The following KLHDC8A variants were observed in gnomAD, a reference collection of about 807,000 sequenced individuals.
KLHDC8A encodes kelch domain containing 8A, also known as kelch domain-containing protein 8A.
Under a neutral mutation model 33.1 loss-of-function variants are expected in KLHDC8A, and 21 were observed. That is an observed-to-expected ratio of 0.64 (90% confidence interval 0.45 to 0.91). The LOEUF is 0.91. Ranked by LOEUF, KLHDC8A falls within the 40% of genes least tolerant of loss-of-function variation. The probability of loss-of-function intolerance (pLI) is 0.00; values close to 1 mark genes in which losing one functional copy is unlikely to be tolerated. For missense variants in KLHDC8A, 435 were observed against 483.3 expected, an observed-to-expected ratio of 0.90 and a Z score of 0.94; for synonymous variants, 173 against 193.5, an observed-to-expected ratio of 0.89 and a Z score of 0.88.
chr1:205,348,478 C>T (rs1216162518), intron 1 of KLHDC8A: 3 of 152,256 alleles, frequency 2.0e-5, no homozygotes, highest in Non-Finnish European at 4.4e-5. Flanking sequence ...TGCAGCACCC[C>T]ACAGACCATG....
chr1:205,339,568 C>T lies in KLHDC8A; in HGVS notation c.541+76G>A. 3 of 1,542,786 alleles carry T rather than the reference C, an allele frequency of 1.9e-6. 1 individual carries two copies. Among genetic ancestry groups the T allele is most frequent in the Non-Finnish European group, 2.7e-6 (3 of 1,124,512 alleles). The stretch of plus-strand genomic sequence containing the variant: ...CCCAGTGCCGAGGAGATGCTCAGCA[C>T]ACAGGCACTGCTTCCTATGGGAACT... On this transcript the variant is annotated intron_variant, in intron 3 of 5. Transcript: ENST00000367155. The surrounding 1 kb of genome is among the most constrained non-coding windows in gnomAD (Gnocchi z 5.1).
Position 205,339,375 on chromosome 1 carries a change from G to A in KLHDC8A, c.576C>T (p.Phe192=), listed in dbSNP as rs746238970. 1.2e-5 allele frequency: 20 copies of A among 1,614,110 alleles called. No homozygotes were observed. The East Asian group carries it at 2.2e-4, about 18-fold the overall frequency. Residue 192 remains phenylalanine (F), a synonymous_variant, in exon 4 of 6, where the codon TTC becomes TTT. Transcript: ENST00000367155. The surrounding 1 kb of genome is among the most constrained non-coding windows in gnomAD (Gnocchi z 5.1). ...AGCGAGTCTCGATGTCAAAGACCTC[G>A]AAAGCGTTGACCGCGTACTTGGACT... is the stretch of plus-strand genomic sequence containing the variant. ...GRQSKYAVNA[F]EVFDIETRSW...
At chr1:205,346,653 A>G (rs1662955217) in intron 1 of KLHDC8A, among the ~76,000 whole-genome samples, 1 of 152,230 alleles carries the variant, frequency 6.6e-6, no homozygotes, top group Non-Finnish European at 1.5e-5. Context: ...CTGAGCCTTA[A>G]TGAGATGAAG....
At position 205,337,356 on chromosome 1, in the gene KLHDC8A, G is replaced by T; in HGVS notation, c.*43C>A. On this transcript the variant is annotated 3_prime_UTR_variant, in exon 6 of 6. Coordinates refer to ENST00000367155, the MANE Select transcript of KLHDC8A (RefSeq NM_018203.3). ...CAAGATCATTCCTCATGTTAAGAGT[G>T]AAGTGATATGGTCCAGGGCAAAGGT... is the stretch of plus-strand genomic sequence containing the variant. The T allele has an allele frequency of 6.8e-7, 1 of 1,462,834 alleles. No homozygotes were observed. Among genetic ancestry groups the T allele is most frequent in the Non-Finnish European group, 9.6e-7 (1 of 1,044,616 alleles). The allele number at this position is 1,462,834 out of a possible 1,614,324, so 90.6% of individuals were successfully genotyped here.
rs536262408 is a variant in KLHDC8A, at chr1:205,339,196, T to C, written c.755A>G (p.Gln252Arg). Reference sequence around the variant, plus strand: ...CCTGGGGAAGGTGACCAGCTCACCCTGTTCCATGTCGAACACGTCCATCGT... The same window carrying C: ...CCTGGGGAAGGTGACCAGCTCACCCCGTTCCATGTCGAACACGTCCATCGT... The part of the protein sequence containing the change: ...LRTMDVFDME[Q>R]GGWLKMERSF... Residue 252 changes from glutamine to arginine, a missense_variant and splice_region_variant, in exon 4 of 6, where the codon CAG becomes CGG. Gln to Arg is a conservative substitution (Grantham distance 43). Coordinates refer to ENST00000367155, the MANE Select transcript of KLHDC8A (RefSeq NM_018203.3). The surrounding 1 kb of genome is among the most constrained non-coding windows in gnomAD (Gnocchi z 5.1). The C allele has an allele frequency of 3.0e-5, 48 of 1,613,582 alleles. No homozygotes were observed. The African/African-American group carries it at 4.5e-4, about 15-fold the overall frequency.
At chr1:205,352,842 T>G (rs1663154926) in intron 1 of KLHDC8A, among the ~76,000 whole-genome samples, 1 of 152,218 alleles carries the variant, frequency 6.6e-6, no homozygotes, top group Non-Finnish European at 1.5e-5. Flanking sequence ...TCCTGTAGCC[T>G]GTCGCCAGGA....
chr1:205,355,293 T>A (rs988630027), intron 1 of KLHDC8A, among the ~76,000 whole-genome samples: 14 of 152,210 alleles, frequency 9.2e-5, no homozygotes, highest in Admixed American at 9.2e-4. Flanking sequence ...ATTTCCTGCC[T>A]CCATACTTGG....
At chr1:205,355,217 T>C (rs1663233936) in intron 1 of KLHDC8A, among the ~76,000 whole-genome samples, 1 of 152,228 alleles carries the variant, frequency 6.6e-6, no homozygotes, top group Non-Finnish European at 1.5e-5. Flanking sequence ...GTCCAGCCTC[T>C]CAGCCAGGCT....
intron 1 of KLHDC8A, among the ~76,000 whole-genome samples, chr1:205,352,641 G>A (rs1378647850): frequency 1.3e-5 from 2 of 152,234 alleles, no homozygotes; most frequent in Non-Finnish European, 2.9e-5. Flanking sequence ...GTGTGTCTAA[G>A]AAGCCATGAG....
chr1:205,352,174 G>T (rs1041031875), intron 1 of KLHDC8A, among the ~76,000 whole-genome samples: 1 of 152,148 alleles, frequency 6.6e-6, no homozygotes, highest in Admixed American at 6.5e-5. Flanking sequence ...CTCCCAGCAG[G>T]CCTTGAGGCA....
chr1:205,338,005 T>C (rs925105200), intron 5 of KLHDC8A, among the ~76,000 whole-genome samples: 5 of 152,212 alleles, frequency 3.3e-5, no homozygotes, highest in African/African-American at 1.2e-4. Flanking sequence ...TCCTTGATGA[T>C]GGGGAACTTC....
chr1:205,355,780 G>A lies in KLHDC8A; in HGVS notation c.-190+753C>T, dbSNP rs1286442483. Among the ~76,000 whole-genome samples, 4 of 152,212 alleles carry A rather than the reference G, an allele frequency of 2.6e-5. No individual in the cohort carries two copies. The East Asian group carries it at 5.8e-4, about 22-fold the overall frequency. The stretch of plus-strand genomic sequence containing the variant: ...TGTGACATCTAGCTTGCCTGGCCCC[G>A]GAATCCCCATACCTGTCTATGTAGA... On this transcript the variant is annotated intron_variant, in intron 1 of 5. Transcript: ENST00000367155.
intron 1 of KLHDC8A, among the ~76,000 whole-genome samples, chr1:205,350,152 G>T (rs571604158): frequency 2.0e-5 from 3 of 152,160 alleles, no homozygotes; most frequent in Admixed American, 1.3e-4. Flanking sequence ...GCTACCCCAG[G>T]TCCAGTCACC....
At chr1:205,337,671 C>A (rs769430441) in intron 5 of KLHDC8A, 79 bp from the exon 6 acceptor site, 8 of 989,608 alleles carry the variant, frequency 8.1e-6, no homozygotes, top group Non-Finnish European at 1.2e-5. Context: ...CACCTCCCTC[C>A]CTTCGGCACC....
At position 205,339,862 on chromosome 1, in the gene KLHDC8A, A is replaced by G; in HGVS notation, c.377-54T>C. ...GCTTAGCTCACAGGTACAGCAAGAC[A>G]GGCCCACCAGCATCTATTGCCTCCC... On this transcript the variant is annotated intron_variant, in intron 2 of 5. Coordinates refer to ENST00000367155, the MANE Select transcript of KLHDC8A (RefSeq NM_018203.3). The surrounding 1 kb of genome is among the most constrained non-coding windows in gnomAD (Gnocchi z 5.1). 1 of 1,555,466 alleles carries G rather than the reference A, an allele frequency of 6.4e-7. No homozygotes were observed. Among genetic ancestry groups the G allele is most frequent in the Non-Finnish European group, 8.8e-7 (1 of 1,141,658 alleles).
Position 205,339,092 on chromosome 1 carries a change from G to C in KLHDC8A, c.757+102C>G. On this transcript the variant is annotated intron_variant, in intron 4 of 5. Transcript: ENST00000367155. The surrounding 1 kb of genome is among the most constrained non-coding windows in gnomAD (Gnocchi z 5.1). ...ACTTCTGAGAAGCTTGCCCAGCTGG[G>C]TAAACGGCCCTGGAAGATGGCTGGA... The C allele has an allele frequency of 1.0e-6, 1 of 955,030 alleles. No homozygotes were observed. The highest frequency in any genetic ancestry group is 1.6e-6 in the Non-Finnish European group (1 of 628,540). The allele number at this position is 955,030 out of a possible 1,614,324, so 59.2% of individuals were successfully genotyped here.
chr1:205,345,202 C>T (rs1662912577), intron 1 of KLHDC8A, among the ~76,000 whole-genome samples: 2 of 152,106 alleles, frequency 1.3e-5, no homozygotes, highest in Non-Finnish European at 2.9e-5. Flanking sequence ...GCTGGAAGAC[C>T]TGGGTTTGAA....
At chr1:205,338,655 CCA>C in intron 4 of KLHDC8A, 59 bp from the exon 5 acceptor site, 2 of 1,399,810 alleles carry the variant, frequency 1.4e-6, no homozygotes, top group Non-Finnish European at 2.0e-6. Flanking sequence ...ACCACTCCCA[CCA>C]AATGCAGATT....
rs1225066359 is a variant in KLHDC8A at position 205,339,360 on chromosome 1, G to A, written c.591C>T (p.Ile197=). Residue 197 remains isoleucine, a synonymous_variant, in exon 4 of 6, where the codon ATC becomes ATT. Coordinates refer to ENST00000367155, the MANE Select transcript of KLHDC8A (RefSeq NM_018203.3). The surrounding 1 kb of genome is among the most constrained non-coding windows in gnomAD (Gnocchi z 5.1). ...YAVNAFEVFD[I]ETRSWTKFPN... The stretch of plus-strand genomic sequence containing the variant: ...GAAACTTGGTCCAGGAGCGAGTCTC[G>A]ATGTCAAAGACCTCGAAAGCGTTGA... 13 of 1,614,172 alleles carry A rather than the reference G, an allele frequency of 8.1e-6. No individual in the cohort carries two copies. Among genetic ancestry groups the A allele is most frequent in the Admixed American group, 1.7e-5 (1 of 60,020 alleles).
Sources: gnomAD v4.1 joint callset for allele counts (sites outside exome capture counted in the v4.1 genomes callset) on GRCh38, gnomAD v4.1.1 for gene constraint, Gnocchi (gnomAD v3.1) non-coding constraint, MANE v1.5 for transcripts, NCBI Gene and HGNC (gene_info 2026-07-23, HGNC 2026-07-21) for gene names.